HERC5: variants seen among roughly 807,000 people sequenced by gnomAD.
The protein encoded by HERC5 is HECT and RLD domain containing E3 ubiquitin protein ligase 5, also known as E3 ISG15--protein ligase HERC5.
In HERC5, 99 loss-of-function variants were observed where a neutral mutation model predicts 119.6. That is an observed-to-expected ratio of 0.83 (90% confidence interval 0.70 to 0.98). The LOEUF (loss-of-function observed/expected upper bound fraction) is 0.98, where lower values mean the gene tolerates loss of function less well. Ranked by LOEUF, HERC5 falls within the 50% of genes least tolerant of loss-of-function variation. HERC5 has a pLI of 0.00. For missense variants in HERC5, 1,267 were observed against 1,241.3 expected (o/e 1.02, Z -0.31); for synonymous variants, 478 against 445.9 (o/e 1.07, Z -0.91).
chr4:88,460,624 T>G (rs1161788761), intron 3 of HERC5, among the ~76,000 whole-genome samples: 2 of 152,210 alleles, frequency 1.3e-5, no homozygotes, highest in Non-Finnish European at 2.9e-5. Flanking sequence ...CCCTGTAGTA[T>G]TTCCCATTTT....
At chr4:88,461,537 C>A (rs1472413647) in intron 3 of HERC5, among the ~76,000 whole-genome samples, 2 of 152,164 alleles carry the variant, frequency 1.3e-5, no homozygotes, top group Non-Finnish European at 2.9e-5. Flanking sequence ...TTCCAGTAAA[C>A]CTTAATTCTC....
intron 12 of HERC5, 51 bp from the exon 13 acceptor site, chr4:88,479,302 A>G (rs762346659): frequency 2.9e-6 from 4 of 1,392,704 alleles, no homozygotes; most frequent in African/African-American, 2.9e-5. Flanking sequence ...AAAAAAAAAA[A>G]GCACAATAAA....
chr4:88,496,367 G>A (rs1172015986), intron 18 of HERC5, among the ~76,000 whole-genome samples: 3 of 152,188 alleles, frequency 2.0e-5, no homozygotes, highest in African/African-American at 7.2e-5. Context: ...AGGCAAATAA[G>A]GATGGAGAAC....
chr4:88,502,874 T>TC (rs1197764464), intron 20 of HERC5, among the ~76,000 whole-genome samples: 2 of 152,102 alleles, frequency 1.3e-5, no homozygotes, highest in Non-Finnish European at 2.9e-5. Flanking sequence ...CTTTTTTTTT[T>TC]CTTGTCAGTT....
chr4:88,494,810 AAG>A (rs1390748658), intron 18 of HERC5, among the ~76,000 whole-genome samples: 2 of 152,240 alleles, frequency 1.3e-5, no homozygotes, highest in African/African-American at 4.8e-5. Context: ...CAACCTGGCA[AAG>A]AAGCAATAGA....
rs533549374 is a variant in HERC5, at chr4:88,494,934, A to G, written c.2444+603A>G. ...GACAGTGGTTTGAAGTGTTGATGCT[A>G]TATAGTATTAGCAAGGGCTTGAAAA... On this transcript the variant is annotated intron_variant, in intron 18 of 22. Coordinates refer to ENST00000264350, the MANE Select transcript of HERC5 (RefSeq NM_016323.4). Among the ~76,000 whole-genome samples, 41 of 152,324 alleles carry G rather than the reference A, an allele frequency of 2.7e-4. No individual in the cohort carries two copies. In the Middle Eastern group the frequency reaches 0.014, roughly 51 times the overall value.
chr4:88,486,216 G>T lies in HERC5; in HGVS notation c.1839G>T (p.Trp613Cys). The change falls in exon 14 of 23, where the codon TGG (tryptophan) becomes TGT (cysteine). Residue 613 changes from tryptophan (W) to cysteine (C), a missense_variant. This residue lies in a region of HERC5 where 777 missense variants were observed against 758.0 expected (regional missense o/e 1.03). Transcript: ENST00000264350. Reference protein sequence around the residue: ...FFVEVCRRYLWKMTVDASENV... With the variant: ...FFVEVCRRYLCKMTVDASENV... ...TAGAAGTATGCAGAAGGTACTTGTG[G>T]AAAATGACTGTGGTAGGTATAGCAT... 6.3e-7 allele frequency: 1 copy of T among 1,596,802 alleles called. No individual in the cohort carries two copies. Among genetic ancestry groups the T allele is most frequent in the Non-Finnish European group, 8.6e-7 (1 of 1,165,536 alleles).
At chr4:88,505,129 C>T (rs533004432) in intron 22 of HERC5, among the ~76,000 whole-genome samples, 1 of 152,262 alleles carries the variant, frequency 6.6e-6, no homozygotes, top group African/African-American at 2.4e-5. Flanking sequence ...AGTCTTAACT[C>T]CTAGAGGAAA....
chr4:88,485,769 A>G (rs1366304773), intron 13 of HERC5, among the ~76,000 whole-genome samples: 6 of 152,072 alleles, frequency 3.9e-5, no homozygotes, highest in Admixed American at 3.3e-4. Context: ...TAAGTGGTAT[A>G]TTATTAAGTC....
At chr4:88,465,400 C>G (rs994629317) in intron 6 of HERC5, among the ~76,000 whole-genome samples, 22 of 152,112 alleles carry the variant, frequency 1.4e-4, no homozygotes, top group African/African-American at 5.3e-4. Flanking sequence ...TTACTGAAAC[C>G]ATTCTTATAA....
At chr4:88,480,771 G>A (rs1741253208) in intron 13 of HERC5, among the ~76,000 whole-genome samples, 1 of 152,044 alleles carries the variant, frequency 6.6e-6, no homozygotes, top group Admixed American at 6.5e-5. Context: ...ATGCACTAGA[G>A]CATATTTTCA....
intron 20 of HERC5, among the ~76,000 whole-genome samples, chr4:88,503,941 C>T (rs1444225701): frequency 2.0e-5 from 3 of 151,986 alleles, no homozygotes; most frequent in South Asian, 4.2e-4. Flanking sequence ...GTGGCAGGCA[C>T]GTGTAATCCC....
intron 6 of HERC5, among the ~76,000 whole-genome samples, chr4:88,466,446 A>G (rs575668602): frequency 5.1e-4 from 77 of 152,256 alleles, no homozygotes; most frequent in African/African-American, 1.8e-3. Context: ...GTTAAACTTA[A>G]TCTCCAGCAC....
chr4:88,464,105 G>A, intron 6 of HERC5, 120 bp downstream of exon 6: 2 of 712,134 alleles, frequency 2.8e-6, no homozygotes, highest in Non-Finnish European at 4.1e-6. Flanking sequence ...CAGTGAAAAT[G>A]CTTAATTTAT....
intron 16 of HERC5, 44 bp from the exon 17 acceptor site, chr4:88,492,968 T>A: frequency 6.3e-7 from 1 of 1,597,008 alleles, no homozygotes; most frequent in South Asian, 1.1e-5. Context: ...TATATAGCAA[T>A]ATAGAGCCCT....
At position 88,463,599 on chromosome 4, in the gene HERC5, C is replaced by G; in HGVS notation, c.756C>G (p.Gly252=). Residue 252 remains glycine (G), a synonymous_variant, in exon 5 of 23, where the codon GGC becomes GGG. Transcript: ENST00000264350. ...NQKVEFVACG[G]SHSALLTQDG... ...AAGTTGAATTTGTCGCTTGTGGTGG[C>G]TCTCACAGTGCCCTACTCACACAGG... 6.2e-7 allele frequency: 1 copy of G among 1,613,324 alleles called. No homozygotes were observed. The highest frequency in any genetic ancestry group is 8.5e-7 in the Non-Finnish European group (1 of 1,179,558).
intron 18 of HERC5, among the ~76,000 whole-genome samples, chr4:88,497,022 C>A (rs754262723): frequency 6.6e-6 from 1 of 152,162 alleles, no homozygotes; most frequent in Non-Finnish European, 1.5e-5. Flanking sequence ...GTCACCTATT[C>A]CCTTTAGATT....
intron 13 of HERC5, among the ~76,000 whole-genome samples, chr4:88,485,248 T>C (rs1310781906): frequency 3.9e-5 from 6 of 152,182 alleles, no homozygotes; most frequent in Non-Finnish European, 8.8e-5. Context: ...TATCAGAATA[T>C]TTTATATTTG....
chr4:88,479,588 T>A, intron 13 of HERC5, 81 bp downstream of exon 13: 2 of 1,193,954 alleles, frequency 1.7e-6, no homozygotes, highest in Non-Finnish European at 2.3e-6. Context: ...AATCTTTAAG[T>A]AGACTCGTGT....
Sources: allele counts gnomAD v4.1 joint callset (sites outside exome capture counted in the v4.1 genomes callset), GRCh38; gene constraint gnomAD v4.1.1; regional missense constraint gnomAD v4.1.1; transcripts MANE v1.5; gene names NCBI Gene and HGNC (gene_info 2026-07-23, HGNC 2026-07-21).